Variants in CEP135 observed in about 807,000 individuals in gnomAD.
CEP135 encodes centrosomal protein 135.
A neutral mutation model predicts 157.3 loss-of-function variants in CEP135; 142 were observed. The ratio of observed to expected loss-of-function variants is 0.90; its 90% CI spans 0.79 to 1.04. The LOEUF is 1.04. CEP135 is among the 50% of genes least tolerant of loss of function. CEP135 has a pLI of 0.00. For missense variants in CEP135, 1,317 were observed against 1,309.2 expected, an observed-to-expected ratio of 1.01 and a Z score of -0.09; for synonymous variants, 396 against 439.8, an observed-to-expected ratio of 0.90 and a Z score of 1.25.
At chr4:56,013,409 C>A (rs1169456776) in intron 21 of CEP135, among the ~76,000 whole-genome samples, 2 of 151,788 alleles carry the variant, frequency 1.3e-5, no homozygotes, top group African/African-American at 4.8e-5. Context: ...CCTTTGATGC[C>A]TATACTTGTG....
Position 56,030,110 on chromosome 4 carries a change from C to T in CEP135, c.*12-1250C>T, listed in dbSNP as rs539826170. Among the ~76,000 whole-genome samples, 30 of 152,236 alleles carry T rather than the reference C, an allele frequency of 2.0e-4. No individual in the cohort carries two copies. In the South Asian group the frequency reaches 6.2e-3, roughly 32 times the overall value. ...TCCTAGGCCCACATAGAGTCAGGAT[C>T]ATCAATATCACTGTCTCCTGCCTCT... On this transcript the variant is annotated intron_variant, in intron 25 of 25. Coordinates refer to ENST00000257287, the MANE Select transcript of CEP135 (RefSeq NM_025009.5).
At chr4:56,019,218 A>G in intron 22 of CEP135, 135 bp from the exon 23 acceptor site, 1 of 652,228 alleles carries the variant, frequency 1.5e-6, no homozygotes, top group East Asian at 2.8e-5. Context: ...GAAACAGTTC[A>G]TAATCTTTAA....
At chr4:55,985,909 C>G (rs542955293) in intron 14 of CEP135, among the ~76,000 whole-genome samples, 52 of 152,186 alleles carry the variant, frequency 3.4e-4, no homozygotes, top group African/African-American at 1.3e-3. Flanking sequence ...CACTGCACTC[C>G]AGCCTGGGCA....
rs549055147 is a variant in CEP135 at position 56,005,092 on chromosome 4, G to A, written c.2281-3235G>A. 4.6e-5 allele frequency among the ~76,000 whole-genome samples: 7 copies of A among 151,964 alleles called. No homozygotes were observed. The South Asian group carries it at 6.2e-4, about 14-fold the overall frequency. On this transcript the variant is annotated intron_variant, in intron 17 of 25. Transcript: ENST00000257287. ...GTGGTTACCATGAAGCTTACAAAAC[G>A]TATCTTTCTAAGTTATTTTAAAGAA...
At chr4:55,959,899 A>G (rs1237949714) in intron 6 of CEP135, 133 bp downstream of exon 6, 1 of 753,478 alleles carries the variant, frequency 1.3e-6, no homozygotes, top group Non-Finnish European at 2.2e-6. Flanking sequence ...AGGTTTGTTA[A>G]TAGAGTTAAT....
At chr4:56,020,588 A>G in intron 23 of CEP135, 88 bp from the exon 24 acceptor site, 1 of 976,726 alleles carries the variant, frequency 1.0e-6, no homozygotes, top group Non-Finnish European at 1.6e-6. Context: ...AAAGGTCTTG[A>G]TCTTCTCTTT....
rs1051490032 is a variant in CEP135 at position 56,023,770 on chromosome 4, G to C, written c.3321-731G>C. ...TATCATATATAGTATATTATATATA[G>C]TATATTGTATTTTATATAGTATATT... On this transcript the variant is annotated intron_variant, in intron 24 of 25. Transcript: ENST00000257287. 2.2e-5 allele frequency among the ~76,000 whole-genome samples: 3 copies of C among 137,594 alleles called. No homozygotes were observed. The South Asian group carries it at 6.6e-4, about 30-fold the overall frequency. 90.3% of individuals were successfully genotyped at this position (137,594 alleles called of 152,430 possible).
At chr4:56,007,465 A>G (rs1405605348) in intron 17 of CEP135, among the ~76,000 whole-genome samples, 1 of 152,172 alleles carries the variant, frequency 6.6e-6, no homozygotes, top group East Asian at 1.9e-4. Context: ...GCATGTTGTT[A>G]CTGAACTACC....
intron 15 of CEP135, among the ~76,000 whole-genome samples, chr4:55,994,000 T>C (rs543347436): frequency 1.7e-4 from 26 of 152,322 alleles, no homozygotes; most frequent in African/African-American, 6.3e-4. Context: ...CAGAAAAATA[T>C]GACTTATCTT....
chr4:55,972,026 T>C (rs1463127730), intron 10 of CEP135, among the ~76,000 whole-genome samples: 3 of 152,132 alleles, frequency 2.0e-5, no homozygotes, highest in African/African-American at 7.2e-5. Flanking sequence ...GGCATGCGAC[T>C]GTAATCCCAG....
chr4:55,988,915 G>A (rs1278349473), intron 14 of CEP135, among the ~76,000 whole-genome samples: 9 of 150,398 alleles, frequency 6.0e-5, no homozygotes, highest in African/African-American at 2.0e-4. Context: ...GAGCCGAGCC[G>A]AGATCACGCC....
rs1232405096 is a variant in CEP135 at position 55,952,248 on chromosome 4, A to G, written c.113+5A>G. 1.9e-6 allele frequency: 3 copies of G among 1,538,910 alleles called. No homozygotes were observed. The highest frequency in any genetic ancestry group is 2.7e-6 in the Non-Finnish European group (3 of 1,111,636). ...TTTGGTAGAAAAACTTTTCAGGTAAAGACAAAAATACAGTTTTCAACCTTT... is the reference window on the plus strand; with the variant it reads ...TTTGGTAGAAAAACTTTTCAGGTAAGGACAAAAATACAGTTTTCAACCTTT... On this transcript the variant is annotated splice_donor_5th_base_variant and intron_variant, in intron 2 of 25. Transcript: ENST00000257287.
At chr4:56,004,445 TC>T (rs1730283080) in intron 17 of CEP135, among the ~76,000 whole-genome samples, 1 of 152,206 alleles carries the variant, frequency 6.6e-6, no homozygotes, top group Non-Finnish European at 1.5e-5. Flanking sequence ...ATAGATTAAC[TC>T]CAATGTTTCT....
At chr4:55,969,895 CA>C (rs1193369747) in intron 9 of CEP135, among the ~76,000 whole-genome samples, 3 of 152,026 alleles carry the variant, frequency 2.0e-5, no homozygotes, top group South Asian at 2.1e-4. Flanking sequence ...TTTTTGGAGA[CA>C]GGGGCTTGCC....
chr4:55,990,099 A>T (rs531777963), intron 14 of CEP135, among the ~76,000 whole-genome samples: 1 of 152,094 alleles, frequency 6.6e-6, no homozygotes, highest in East Asian at 1.9e-4. Flanking sequence ...TTTGTTAGTA[A>T]TTGACTTTGT....
At chr4:55,950,759 CTT>C (rs148350973) in intron 1 of CEP135, among the ~76,000 whole-genome samples, 127 of 150,532 alleles carry the variant, frequency 8.4e-4, no homozygotes, top group Non-Finnish European at 1.7e-3. Context: ...TTATGTGTGT[CTT>C]TTTTTTTAAT....
chr4:56,004,253 C>G (rs1170746395), intron 17 of CEP135, among the ~76,000 whole-genome samples: 2 of 152,016 alleles, frequency 1.3e-5, no homozygotes, highest in Admixed American at 1.3e-4. Context: ...TAGTTTTATT[C>G]TGTTTTATTC....
chr4:56,018,465 G>A lies in CEP135; in HGVS notation c.3012+608G>A, dbSNP rs190472440. On this transcript the variant is annotated intron_variant, in intron 22 of 25. Transcript: ENST00000257287. ...TAATACATTCTTTCTCTGTTTAAAAGTAAGACTTGAGGCCAGGTACGATAG... is the reference window on the plus strand; with the variant it reads ...TAATACATTCTTTCTCTGTTTAAAAATAAGACTTGAGGCCAGGTACGATAG... 3.4e-3 allele frequency among the ~76,000 whole-genome samples: 518 copies of A among 152,184 alleles called. 2 individuals carry two copies. The highest frequency in any genetic ancestry group is 0.011 in the African/African-American group (472 of 41,516).
chr4:55,981,318 T>C lies in CEP135; in HGVS notation c.1718T>C (p.Leu573Pro). 1 of 1,596,980 alleles carries C rather than the reference T, an allele frequency of 6.3e-7. No homozygotes were observed. The highest frequency in any genetic ancestry group is 1.2e-5 in the South Asian group (1 of 86,366). ...AGTCTTATGGAAAAGGAAAAAGAAC[T>C]TGCGTTATCTGACTTAAGAAGAATT... ...IVSLMEKEKE[L>P]ALSDLRRIMA... The change falls in exon 13 of 26, where the codon CTT becomes CCT. Residue 573 changes from leucine to proline, a missense_variant. Physicochemically the swap from Leu to Pro is moderately conservative, Grantham distance 98. Coordinates refer to ENST00000257287, the MANE Select transcript of CEP135 (RefSeq NM_025009.5).
Sources: allele counts gnomAD v4.1 joint callset (sites outside exome capture counted in the v4.1 genomes callset), GRCh38; gene constraint gnomAD v4.1.1; transcripts MANE v1.5; gene names NCBI Gene and HGNC (gene_info 2026-07-23, HGNC 2026-07-21).